PROCR: variants seen among roughly 807,000 people sequenced by gnomAD.
PROCR encodes protein C receptor.
In PROCR, 22 loss-of-function variants were observed where a neutral mutation model predicts 24.2. The ratio of observed to expected loss-of-function variants is 0.91; its 90% CI spans 0.65 to 1.30. The LOEUF (loss-of-function observed/expected upper bound fraction) is 1.30. Ranked by LOEUF, PROCR falls within the 50% of genes most tolerant of loss-of-function variation. The pLI is 0.00. For missense variants in PROCR, 288 were observed against 307.7 expected, an observed-to-expected ratio of 0.94 and a Z score of 0.48; for synonymous variants, 137 against 139.2, an observed-to-expected ratio of 0.98 and a Z score of 0.11.
intron 1 of PROCR, among the ~76,000 whole-genome samples, chr20:35,206,474 CAAAA>C (rs34186603): frequency 5.8e-5 from 4 of 68,782 alleles, no homozygotes; most frequent in African/African-American, 1.1e-4. Flanking sequence ...GACTCTATCT[CAAAA>C]AAAAAAAAAA....
chr20:35,185,964 A>G (rs960448376), intron 1 of PROCR, among the ~76,000 whole-genome samples: 1 of 152,254 alleles, frequency 6.6e-6, no homozygotes, highest in Non-Finnish European at 1.5e-5. Flanking sequence ...ACCCTCATAC[A>G]TTGCTGGTGG....
At chr20:35,210,168 G>C (rs1359251619) in intron 1 of PROCR, among the ~76,000 whole-genome samples, 1 of 152,152 alleles carries the variant, frequency 6.6e-6, no homozygotes, top group Non-Finnish European at 1.5e-5. Context: ...CAAGGCTGCA[G>C]TGAGCTATAA....
intron 1 of PROCR, among the ~76,000 whole-genome samples, chr20:35,205,825 A>G (rs1378544671): frequency 1.4e-5 from 2 of 139,814 alleles, no homozygotes; most frequent in Non-Finnish European, 3.0e-5. Context: ...ATATATACAT[A>G]TATCTACATA....
In PROCR at chr20:35,176,832, A is replaced by T; in HGVS notation, c.*19A>T. 1 of 1,611,482 alleles carries T rather than the reference A, an allele frequency of 6.2e-7. No homozygotes were observed. Among genetic ancestry groups the T allele is most frequent in the Non-Finnish European group, 8.5e-7 (1 of 1,178,852 alleles). ...ATGTTAATTACTCTCCAGCCCCCTC[A>T]GAAGGGGCTGGATTGATGGAGGCTG... On this transcript the variant is annotated 3_prime_UTR_variant, in exon 4 of 4. Coordinates refer to ENST00000216968, the MANE Select transcript of PROCR (RefSeq NM_006404.5).
chr20:35,174,402 C>T (rs924837927), intron 1 of PROCR: 31 of 464,550 alleles, frequency 6.7e-5, no homozygotes, highest in Non-Finnish European at 1.1e-4. Context: ...ACCATTTGTT[C>T]CGTTGGTTAA....
intron 1 of PROCR, among the ~76,000 whole-genome samples, chr20:35,190,108 G>A (rs973956320): frequency 2.6e-5 from 4 of 151,988 alleles, no homozygotes; most frequent in East Asian, 1.9e-4. Flanking sequence ...TCCTGGCAAC[G>A]TTATTATTCT....
At chr20:35,174,386 T>C (rs1428350554) in intron 1 of PROCR, 1 of 431,102 alleles carries the variant, frequency 2.3e-6, no homozygotes, top group East Asian at 4.9e-5. Context: ...AGGTCAGGAT[T>C]TGTTAACCAT....
At position 35,209,239 on chromosome 20, in the gene PROCR, A is replaced by G. The variant is rs185545005; in HGVS notation, c.95-6654A>G. Among the ~76,000 whole-genome samples the G allele has an allele frequency of 4.7e-3, 709 of 152,188 alleles. 6 individuals carry two copies. Among genetic ancestry groups the G allele is most frequent in the Middle Eastern group, 0.024 (7 of 294 alleles). On this transcript the variant is annotated intron_variant, in intron 1 of 1. Transcript: ENST00000634509. ...ATAAATTATTGGTTGGCTATGGGGG[A>G]GGTTAAAGAGACATCAAGAATGCCT...
intron 1 of PROCR, among the ~76,000 whole-genome samples, chr20:35,188,667 G>A (rs1210273913): frequency 1.3e-5 from 2 of 152,134 alleles, no homozygotes; most frequent in African/African-American, 4.8e-5. Flanking sequence ...GGTCTGATGT[G>A]GTTGCTCCGA....
Position 35,172,109 on chromosome 20 carries a change from CAGCCGGCCCG to C in PROCR, c.-41_-32del. On this transcript the variant is annotated 5_prime_UTR_variant, in exon 1 of 4. Transcript: ENST00000216968. ...CCTAGACTGCAGCCAGCGGAGCCCG[CAGCCGGCCCG>C]AGCCAGGAACCCAGGTCCGGAGCCT... is the stretch of plus-strand genomic sequence containing the variant. The C allele has an allele frequency of 6.3e-7, 1 of 1,596,306 alleles. No homozygotes were observed. Among genetic ancestry groups the C allele is most frequent in the Non-Finnish European group, 8.6e-7 (1 of 1,163,924 alleles).
At chr20:35,198,133 A>C in intron 1 of PROCR, among the ~76,000 whole-genome samples, 1 of 150,252 alleles carries the variant, frequency 6.7e-6, no homozygotes, top group Non-Finnish European at 1.5e-5. Context: ...AAAAAAAAAA[A>C]TACAAAAAAT....
intron 1 of PROCR, among the ~76,000 whole-genome samples, chr20:35,192,308 C>T (rs1164646989): frequency 2.0e-5 from 3 of 152,166 alleles, no homozygotes; most frequent in East Asian, 3.8e-4. Flanking sequence ...GAGAGAAACA[C>T]GAAGGGCGGC....
At chr20:35,171,931 G>T, upstream of PROCR, 1 of 609,146 alleles carries the variant, frequency 1.6e-6, no homozygotes, top group Non-Finnish European at 3.0e-6. Flanking sequence ...GCGGGGCAGA[G>T]GGAGGGCAGG....
At chr20:35,194,086 G>C (rs528570987) in intron 1 of PROCR, among the ~76,000 whole-genome samples, 115 of 152,306 alleles carry the variant, frequency 7.6e-4, no homozygotes, top group Admixed American at 1.8e-3. Context: ...GCAGATAGTG[G>C]AATAAGGTAA....
intron 1 of PROCR, among the ~76,000 whole-genome samples, chr20:35,184,270 C>A (rs967914586): frequency 1.3e-5 from 2 of 152,208 alleles, no homozygotes; most frequent in African/African-American, 4.8e-5. Context: ...GCCAACTGAT[C>A]TTTGACAAAG....
intron 1 of PROCR, among the ~76,000 whole-genome samples, chr20:35,194,657 G>A (rs1313184586): frequency 6.6e-6 from 1 of 152,190 alleles, no homozygotes; most frequent in Admixed American, 6.5e-5. Flanking sequence ...TAAAAAGAAA[G>A]CTTGGTAATG....
intron 1 of PROCR, among the ~76,000 whole-genome samples, chr20:35,189,259 G>T (rs1238915376): frequency 9.7e-6 from 1 of 103,130 alleles, no homozygotes; most frequent in Non-Finnish European, 1.8e-5. Flanking sequence ...GGAAAAGAAC[G>T]CATTCCGGGG....
At chr20:35,178,414 TAAAA>T (rs374008630), downstream of PROCR, among the ~76,000 whole-genome samples, 3 of 49,824 alleles carry the variant, frequency 6.0e-5, no homozygotes, top group African/African-American at 2.4e-4. Flanking sequence ...TTTTTAATTC[TAAAA>T]AAAAAAAAAA....
chr20:35,192,875 C>T (rs964144436), intron 1 of PROCR, among the ~76,000 whole-genome samples: 1 of 151,968 alleles, frequency 6.6e-6, no homozygotes, highest in African/African-American at 2.4e-5. Context: ...TAAAAAGTAC[C>T]CAAACACCAT....
Sources: gnomAD v4.1 joint callset for allele counts (sites outside exome capture counted in the v4.1 genomes callset) on GRCh38, gnomAD v4.1.1 for gene constraint, MANE v1.5 for transcripts, NCBI Gene and HGNC (gene_info 2026-07-23, HGNC 2026-07-21) for gene names.